Variants in KIF6 observed in about 807,000 individuals in gnomAD.
The protein encoded by KIF6 is kinesin-like protein KIF6.
KIF6 carries 106 observed loss-of-function variants against 112.7 expected under a neutral mutation model. The observed-to-expected ratio is 0.94, with a 90% CI of 0.80 to 1.11. The LOEUF (loss-of-function observed/expected upper bound fraction) is 1.11, where lower values mean the gene tolerates loss of function less well. Among genes scored for constraint, KIF6 ranks in the 50% least tolerant of loss-of-function variants. The pLI is 0.00. For synonymous variants in KIF6, 339 were observed against 339.9 expected, an observed-to-expected ratio of 1.00 and a Z score of 0.03; for missense variants, 929 against 964.0, an observed-to-expected ratio of 0.96 and a Z score of 0.48.
At chr6:39,450,036 T>G (rs753885724) in intron 13 of KIF6, among the ~76,000 whole-genome samples, 32 of 152,230 alleles carry the variant, frequency 2.1e-4, no homozygotes, top group Non-Finnish European at 3.7e-4. Flanking sequence ...TATTTTTATT[T>G]TCTACATTTT....
At chr6:39,389,868 T>G (rs1003617095) in intron 15 of KIF6, among the ~76,000 whole-genome samples, 1 of 151,886 alleles carries the variant, frequency 6.6e-6, no homozygotes, top group Admixed American at 6.6e-5. Context: ...CCATCTCTAC[T>G]AAAAATACAA....
At chr6:39,471,308 C>T (rs1164973008) in intron 13 of KIF6, among the ~76,000 whole-genome samples, 1 of 152,128 alleles carries the variant, frequency 6.6e-6, no homozygotes, top group Admixed American at 6.5e-5. Flanking sequence ...ACTCTTTGAC[C>T]TTTCTTTCCA....
intron 3 of KIF6, among the ~76,000 whole-genome samples, chr6:39,666,884 A>G (rs1429283387): frequency 1.3e-5 from 2 of 152,186 alleles, no homozygotes; most frequent in African/African-American, 4.8e-5. Flanking sequence ...TGTCTATCTG[A>G]GAGTCTAATT....
At chr6:39,547,746 A>G (rs1246202722) in intron 10 of KIF6, among the ~76,000 whole-genome samples, 1 of 152,232 alleles carries the variant, frequency 6.6e-6, no homozygotes, top group Non-Finnish European at 1.5e-5. Flanking sequence ...TTTCTAAAGC[A>G]TTTATGGCAG....
intron 22 of KIF6, among the ~76,000 whole-genome samples, chr6:39,340,236 A>G (rs561013837): frequency 4.3e-4 from 66 of 152,302 alleles, no homozygotes; most frequent in African/African-American, 1.5e-3. Flanking sequence ...TTCCTTTCGG[A>G]ATAAAAATTG....
intron 14 of KIF6, among the ~76,000 whole-genome samples, chr6:39,429,652 G>T (rs1770997804): frequency 6.6e-6 from 1 of 152,208 alleles, no homozygotes. Context: ...GCTCATGCCT[G>T]TAATCCCAGC....
intron 9 of KIF6, among the ~76,000 whole-genome samples, chr6:39,580,649 T>C (rs1457621353): frequency 6.6e-6 from 1 of 152,194 alleles, no homozygotes; most frequent in Non-Finnish European, 1.5e-5. Flanking sequence ...AATTTCTTTC[T>C]TTAAACTCTG....
intron 3 of KIF6, among the ~76,000 whole-genome samples, chr6:39,663,639 G>A (rs991840289): frequency 9.2e-5 from 14 of 152,168 alleles, no homozygotes; most frequent in Non-Finnish European, 1.9e-4. Flanking sequence ...TGGAGAGAAC[G>A]GAGCCAATGC....
intron 13 of KIF6, among the ~76,000 whole-genome samples, chr6:39,502,879 T>C (rs1776211143): frequency 6.6e-6 from 1 of 152,080 alleles, no homozygotes; most frequent in East Asian, 1.9e-4. Flanking sequence ...GACTTGGGCT[T>C]CACACAATAG....
intron 15 of KIF6, among the ~76,000 whole-genome samples, chr6:39,396,414 C>T (rs567800214): frequency 1.6e-4 from 24 of 152,232 alleles, no homozygotes; most frequent in African/African-American, 5.5e-4. Flanking sequence ...CAACGGGGGC[C>T]GAGCCCAGCA....
At chr6:39,720,434 G>C (rs964736437) in intron 2 of KIF6, among the ~76,000 whole-genome samples, 3 of 152,034 alleles carry the variant, frequency 2.0e-5, no homozygotes, top group Non-Finnish European at 4.4e-5. Flanking sequence ...ACAAGAGTGG[G>C]TTGAGTAGGA....
chr6:39,700,467 G>A (rs528790760), intron 3 of KIF6, among the ~76,000 whole-genome samples: 1 of 152,294 alleles, frequency 6.6e-6, no homozygotes, highest in Admixed American at 6.5e-5. Flanking sequence ...TTTCATGGAA[G>A]TTTGAATTTT....
chr6:39,562,059 A>G (rs951820240), intron 10 of KIF6, among the ~76,000 whole-genome samples: 2 of 152,244 alleles, frequency 1.3e-5, no homozygotes, highest in Non-Finnish European at 2.9e-5. Context: ...AGGGTGGCTA[A>G]TAAGAAAAAT....
chr6:39,508,215 G>T (rs995749061), intron 13 of KIF6, among the ~76,000 whole-genome samples: 4 of 151,850 alleles, frequency 2.6e-5, no homozygotes, highest in African/African-American at 9.7e-5. Context: ...AGTTCTACGT[G>T]CATTAAAATT....
intron 2 of KIF6, among the ~76,000 whole-genome samples, chr6:39,717,581 A>G (rs1295304988): frequency 4.0e-5 from 6 of 151,786 alleles, no homozygotes; most frequent in Non-Finnish European, 7.4e-5. Flanking sequence ...ACTTTTCTCC[A>G]TGGCACGTAG....
chr6:39,422,362 T>C (rs1770435969), intron 14 of KIF6, among the ~76,000 whole-genome samples: 3 of 152,188 alleles, frequency 2.0e-5, no homozygotes, highest in Admixed American at 6.5e-5. Context: ...AGAGCCGCCC[T>C]GCTCCAGAGC....
chr6:39,676,132 C>T (rs1350644745), intron 3 of KIF6, among the ~76,000 whole-genome samples: 1 of 148,902 alleles, frequency 6.7e-6, no homozygotes, highest in Non-Finnish European at 1.5e-5. Flanking sequence ...ATTTAGGAAG[C>T]ACAATTAGTT....
rs149745529 is a variant in KIF6 at position 39,597,434 on chromosome 6, G to A, written c.640-1174C>T. On this transcript the variant is annotated intron_variant, in intron 6 of 22. Transcript: ENST00000287152. ...CAGTGTGGTGCTGGTGCTGGTGCAG[G>A]AGCAGACAGCTAGGTCAGTGAGACA... Among the ~76,000 whole-genome samples, 86 of 152,228 alleles carry A rather than the reference G, an allele frequency of 5.6e-4. No individual in the cohort carries two copies. The Middle Eastern group carries it at 0.01, about 18-fold the overall frequency.
chr6:39,340,109 G>A (rs1763242831), intron 22 of KIF6, among the ~76,000 whole-genome samples: 1 of 152,214 alleles, frequency 6.6e-6, no homozygotes, highest in Non-Finnish European at 1.5e-5. Context: ...TCTGCTGTAT[G>A]TCTGAGAGGT....
Sources: gnomAD v4.1 joint callset for allele counts (sites outside exome capture counted in the v4.1 genomes callset) on GRCh38, gnomAD v4.1.1 for gene constraint, MANE v1.5 for transcripts, NCBI Gene and HGNC (gene_info 2026-07-23, HGNC 2026-07-21) for gene names.